The following STXBP5 variants were observed in gnomAD, a reference collection of about 807,000 sequenced individuals.
STXBP5 encodes syntaxin-binding protein 5.
In STXBP5, 50 loss-of-function variants were observed where a neutral mutation model predicts 152.4. The observed-to-expected ratio is 0.33, with a 90% CI of 0.26 to 0.42. STXBP5 has a LOEUF of 0.42. Among genes scored for constraint, STXBP5 ranks in the 10% least tolerant of loss-of-function variants. The probability of loss-of-function intolerance (pLI) is 1.00; values close to 1 mark genes in which losing one functional copy is unlikely to be tolerated. For missense variants in STXBP5, 1,167 were observed against 1,388.6 expected, an observed-to-expected ratio of 0.84 and a Z score of 2.54; for synonymous variants, 492 against 494.7, an observed-to-expected ratio of 0.99 and a Z score of 0.07.
At chr6:147,222,797 G>A (rs1777524657) in intron 2 of STXBP5, among the ~76,000 whole-genome samples, 2 of 152,328 alleles carry the variant, frequency 1.3e-5, no homozygotes, top group South Asian at 4.1e-4. Flanking sequence ...AGCTTTAGAG[G>A]TAAAATTTAC....
At chr6:147,228,814 A>G (rs544541562) in intron 2 of STXBP5, among the ~76,000 whole-genome samples, 3 of 152,246 alleles carry the variant, frequency 2.0e-5, no homozygotes, top group Admixed American at 6.5e-5. Flanking sequence ...AGCAATTTTC[A>G]TCAACATATT....
chr6:147,338,530 T>A (rs1008190924), intron 19 of STXBP5, among the ~76,000 whole-genome samples: 1 of 151,566 alleles, frequency 6.6e-6, no homozygotes, highest in Admixed American at 6.6e-5. Context: ...AAGGAAAAAA[T>A]TACCCAAAAA....
At chr6:147,377,277 G>A (rs1454608182) in intron 26 of STXBP5, among the ~76,000 whole-genome samples, 2 of 152,118 alleles carry the variant, frequency 1.3e-5, no homozygotes, top group Admixed American at 1.3e-4. Context: ...CCATTGGTAT[G>A]CAACTAAAGT....
In STXBP5 at chr6:147,384,710, T is replaced by G. The variant is rs767734101; in HGVS notation, c.3415-4T>G. On this transcript the variant is annotated splice_polypyrimidine_tract_variant and splice_region_variant and intron_variant, in intron 27 of 27. Coordinates refer to ENST00000321680, the MANE Select transcript of STXBP5 (RefSeq NM_001127715.4). The stretch of plus-strand genomic sequence containing the variant: ...GCATGTTTTTCTTTTTTTTCCCCCT[T>G]TAGATTATGTTGAAATACAAAGATA... The G allele has an allele frequency of 1.2e-6, 2 of 1,611,360 alleles. No homozygotes were observed. The highest frequency in any genetic ancestry group is 1.1e-5 in the South Asian group (1 of 90,660).
Position 147,350,759 on chromosome 6 carries a change from CCTT to C in STXBP5, c.2255-2563_2255-2561del, listed in dbSNP as rs139539258. Among the ~76,000 whole-genome samples the C allele has an allele frequency of 9.6e-3, 1,466 of 152,196 alleles. 27 individuals are homozygous for C. The highest frequency in any genetic ancestry group is 0.033 in the African/African-American group (1,379 of 41,532). On this transcript the variant is annotated intron_variant, in intron 21 of 27. Transcript: ENST00000321680. ...CATTTTATGACAAGTTTATATCTCA[CCTT>C]ATTATTAACAATAAATAATAACATT...
chr6:147,210,916 A>G (rs562542941), intron 2 of STXBP5, among the ~76,000 whole-genome samples: 2 of 152,300 alleles, frequency 1.3e-5, no homozygotes, highest in African/African-American at 2.4e-5. Flanking sequence ...CTGAGTGGCA[A>G]CTGTGTAGGA....
intron 2 of STXBP5, among the ~76,000 whole-genome samples, chr6:147,218,316 G>A (rs1352347873): frequency 6.6e-6 from 1 of 152,152 alleles, no homozygotes; most frequent in African/African-American, 2.4e-5. Context: ...ACTCTGCAGA[G>A]TTTTGTGCTG....
intron 4 of STXBP5, among the ~76,000 whole-genome samples, chr6:147,258,163 G>A (rs1779467846): frequency 6.6e-6 from 1 of 152,160 alleles, no homozygotes; most frequent in Admixed American, 6.6e-5. Context: ...CAAGCCACAC[G>A]ATCAATCCTA....
At chr6:147,286,516 C>G (rs899057835) in intron 8 of STXBP5, among the ~76,000 whole-genome samples, 3 of 152,132 alleles carry the variant, frequency 2.0e-5, no homozygotes, top group Non-Finnish European at 4.4e-5. Flanking sequence ...TTTTGTTTAG[C>G]AGTTATAGCT....
chr6:147,206,000 C>G lies in STXBP5; in HGVS notation c.180C>G (p.Pro60=), dbSNP rs750302305. 6 of 1,614,162 alleles carry G rather than the reference C, an allele frequency of 3.7e-6. No individual in the cohort carries two copies. The highest frequency in any genetic ancestry group is 5.1e-6 in the Non-Finnish European group (6 of 1,180,012). Residue 60 remains proline (P), a synonymous_variant, in exon 2 of 28, where the codon CCC becomes CCG. Coordinates refer to ENST00000321680, the MANE Select transcript of STXBP5 (RefSeq NM_001127715.4). ...TTCGCCATGGATTTCCCTATCAACC[C>G]TCAGCCCTGGCCTTTGATCCTGTAC... ...KTVRHGFPYQ[P]SALAFDPVQK... is the part of the protein sequence containing the mutation.
intron 23 of STXBP5, among the ~76,000 whole-genome samples, chr6:147,361,704 G>GT (rs869148112): frequency 6.6e-6 from 1 of 152,088 alleles, no homozygotes; most frequent in Non-Finnish European, 1.5e-5. Context: ...TTTTAGGCCA[G>GT]TTTTTTAAAA....
intron 19 of STXBP5, among the ~76,000 whole-genome samples, chr6:147,335,732 C>T (rs1783792567): frequency 6.6e-6 from 1 of 151,860 alleles, no homozygotes; most frequent in Non-Finnish European, 1.5e-5. Flanking sequence ...CCCCAGGGGG[C>T]GGAGCCTGCA....
chr6:147,216,502 A>G (rs1421744528), intron 2 of STXBP5, among the ~76,000 whole-genome samples: 2 of 152,186 alleles, frequency 1.3e-5, no homozygotes, highest in Non-Finnish European at 2.9e-5. Context: ...TGGAAAGAAC[A>G]TATATGGTAA....
chr6:147,318,627 A>G (rs1478888634), intron 16 of STXBP5, among the ~76,000 whole-genome samples: 1 of 152,168 alleles, frequency 6.6e-6, no homozygotes, highest in Non-Finnish European at 1.5e-5. Context: ...ATGTCACTTA[A>G]TATAAGAATT....
chr6:147,325,857 T>G lies in STXBP5; in HGVS notation c.1928+773T>G, dbSNP rs1783224084. 3.9e-5 allele frequency among the ~76,000 whole-genome samples: 6 copies of G among 151,916 alleles called. No individual in the cohort carries two copies. The South Asian group carries it at 1.2e-3, about 31-fold the overall frequency. ...CTCTGTATCCACGGATTCAACCAAC[T>G]GTAGATGAAAAATATTCAGAAAATA... is the stretch of plus-strand genomic sequence containing the variant. On this transcript the variant is annotated intron_variant, in intron 17 of 27. Transcript: ENST00000321680.
rs1777205067 is a variant in STXBP5 at position 147,217,036 on chromosome 6, A to T, written c.248+10968A>T. The stretch of plus-strand genomic sequence containing the variant: ...CTTTTCCTTGTGAAGTTGTTTGTTG[A>T]GTGCTTAATCCTGCTCTTTCTTTAA... On this transcript the variant is annotated intron_variant, in intron 2 of 27. Transcript: ENST00000321680. 2.0e-5 allele frequency among the ~76,000 whole-genome samples: 3 copies of T among 152,152 alleles called. No individual in the cohort carries two copies. In the South Asian group the frequency reaches 6.2e-4, roughly 31 times the overall value.
intron 7 of STXBP5, 88 bp from the exon 8 acceptor site, chr6:147,277,993 T>TA (rs2128341601): frequency 5.6e-6 from 7 of 1,242,502 alleles, no homozygotes; most frequent in Non-Finnish European, 7.7e-6. Context: ...AAAGAAAAGT[T>TA]AAAAATGAAA....
At chr6:147,366,824 C>T (rs761452945) in intron 25 of STXBP5, among the ~76,000 whole-genome samples, 1 of 152,074 alleles carries the variant, frequency 6.6e-6, no homozygotes, top group African/African-American at 2.4e-5. Flanking sequence ...CCTAACAAAT[C>T]GCAAAAGCAA....
chr6:147,277,062 G>A (rs9497737), intron 7 of STXBP5, among the ~76,000 whole-genome samples: 2,553 of 152,154 alleles, frequency 0.017, 60 homozygotes, highest in African/African-American at 0.057. Context: ...TGACTTCATC[G>A]TAAATTGAGG....
Sources: gnomAD v4.1 joint callset for allele counts (sites outside exome capture counted in the v4.1 genomes callset) on GRCh38, gnomAD v4.1.1 for gene constraint, MANE v1.5 for transcripts, NCBI Gene and HGNC (gene_info 2026-07-23, HGNC 2026-07-21) for gene names.